The following RNF168 variants were observed in gnomAD, a reference collection of about 807,000 sequenced individuals.
RNF168 encodes the protein E3 ubiquitin-protein ligase RNF168.
RNF168 carries 34 observed loss-of-function variants against 34.9 expected under a neutral mutation model. The observed-to-expected ratio is 0.97, with a 90% CI of 0.74 to 1.30. The LOEUF (loss-of-function observed/expected upper bound fraction) is 1.30. Among genes scored for constraint, RNF168 ranks in the 50% most tolerant of loss-of-function variants. The pLI is 0.00. For synonymous variants in RNF168, 264 were observed against 254.7 expected (o/e 1.04, Z -0.35); for missense variants, 725 against 682.5 (o/e 1.06, Z -0.69).
chr3:196,500,616 C>G (rs1732856387), intron 1 of RNF168, among the ~76,000 whole-genome samples: 1 of 152,206 alleles, frequency 6.6e-6, no homozygotes, highest in African/African-American at 2.4e-5. Context: ...GGCGATGCCA[C>G]TGAACCATAC....
intron 4 of RNF168, among the ~76,000 whole-genome samples, chr3:196,481,798 C>T (rs1467128137): frequency 2.1e-5 from 3 of 143,266 alleles, no homozygotes; most frequent in African/African-American, 5.2e-5. Context: ...GGGTTACAGG[C>T]ATGTGCCACT....
intron 3 of RNF168, among the ~76,000 whole-genome samples, chr3:196,485,340 G>A (rs13084212): frequency 1.3e-5 from 2 of 151,726 alleles, no homozygotes; most frequent in Middle Eastern, 3.4e-3. Context: ...AAACCCCATC[G>A]GCACTAAAAA....
intron 4 of RNF168, among the ~76,000 whole-genome samples, chr3:196,477,027 C>T (rs1260277766): frequency 6.6e-6 from 1 of 152,188 alleles, no homozygotes; most frequent in Admixed American, 6.5e-5. Flanking sequence ...GGATTACAGG[C>T]GTGAGCCACT....
At chr3:196,477,508 T>A (rs73891249) in intron 4 of RNF168, among the ~76,000 whole-genome samples, 1 of 152,212 alleles carries the variant, frequency 6.6e-6, no homozygotes, top group African/African-American at 2.4e-5. Flanking sequence ...ATATTTACTC[T>A]GTTAACTTTG....
intron 1 of RNF168, among the ~76,000 whole-genome samples, chr3:196,492,996 T>A (rs930978977): frequency 6.6e-6 from 1 of 151,850 alleles, no homozygotes; most frequent in Non-Finnish European, 1.5e-5. Context: ...AAAACAAAAC[T>A]ATAAACGACT....
In RNF168 at chr3:196,487,293, G is replaced by A. The variant is rs545990743; in HGVS notation, c.558+106C>T. 17 of 988,838 alleles carry A rather than the reference G, an allele frequency of 1.7e-5. No individual in the cohort carries two copies. The East Asian group carries it at 3.8e-4, about 22-fold the overall frequency. The allele number at this position is 988,838 out of a possible 1,614,324, so 61.3% of individuals were successfully genotyped here. On this transcript the variant is annotated intron_variant, in intron 3 of 5. Coordinates refer to ENST00000318037, the MANE Select transcript of RNF168 (RefSeq NM_152617.4). ...GGGGTGGAAAAGACAATATTTGTGGGATGCAGAACCTGGAAATACAAGGAG... is the reference window on the plus strand; with the variant it reads ...GGGGTGGAAAAGACAATATTTGTGGAATGCAGAACCTGGAAATACAAGGAG...
chr3:196,470,762 T>A lies in RNF168; in HGVS notation c.*1057A>T, dbSNP rs916250594. 6.5e-6 allele frequency: 1 copy of A among 152,780 alleles called. No homozygotes were observed. The highest frequency in any genetic ancestry group is 2.4e-5 in the African/African-American group (1 of 41,464). 9.5% of individuals were successfully genotyped at this position (152,780 alleles called of 1,614,324 possible). ...ATGATCTGGACTGTCAGTCACCCCA[T>A]CCAGCCTCATCCCAGCTCTTAACTC... On this transcript the variant is annotated 3_prime_UTR_variant, in exon 6 of 6. Transcript: ENST00000318037.
chr3:196,480,053 C>T (rs1398943663), intron 4 of RNF168, among the ~76,000 whole-genome samples: 1 of 92,900 alleles, frequency 1.1e-5, no homozygotes, highest in African/African-American at 5.3e-5. Flanking sequence ...ACAAGCAAAC[C>T]TTTGTAAATA....
Position 196,472,759 on chromosome 3 carries a change from C to G in RNF168, c.776G>C (p.Ser259Thr). The change falls in exon 6 of 6, where the codon AGT becomes ACT. Residue 259 changes from serine (S) to threonine (T), a missense_variant. Coordinates refer to ENST00000318037, the MANE Select transcript of RNF168 (RefSeq NM_152617.4). ...TTGCCCTGTTGGGCTTTTCCTATCA[C>G]TACTGTCAATGTCCTGTAGAAAACA... ...KDSVSKDIDSSDRKSPTGQDT... is the reference protein window; with the variant it reads ...KDSVSKDIDSTDRKSPTGQDT... The G allele has an allele frequency of 6.2e-7, 1 of 1,606,698 alleles. No individual in the cohort carries two copies. Among genetic ancestry groups the G allele is most frequent in the South Asian group, 1.1e-5 (1 of 90,948 alleles).
chr3:196,482,415 A>C (rs1732317072), intron 4 of RNF168, among the ~76,000 whole-genome samples: 1 of 152,194 alleles, frequency 6.6e-6, no homozygotes, highest in Non-Finnish European at 1.5e-5. Context: ...ATATTCATGT[A>C]CAAGTATTTG....
intron 3 of RNF168, 81 bp downstream of exon 3, chr3:196,487,318 G>C: frequency 8.6e-7 from 1 of 1,167,828 alleles, no homozygotes; most frequent in Non-Finnish European, 1.3e-6. Flanking sequence ...AATACAAGGA[G>C]CTGACTCTTC....
intron 2 of RNF168, among the ~76,000 whole-genome samples, chr3:196,488,343 G>T (rs1030937268): frequency 6.6e-6 from 1 of 151,644 alleles, no homozygotes. Flanking sequence ...TTAGCCAGGC[G>T]TAGTGGCGGG....
chr3:196,497,171 A>G (rs964690563), intron 1 of RNF168, among the ~76,000 whole-genome samples: 1 of 152,124 alleles, frequency 6.6e-6, no homozygotes, highest in Admixed American at 6.5e-5. Context: ...GATTTACTCT[A>G]AAGTCACAGT....
At chr3:196,496,458 T>C (rs1016411843) in intron 1 of RNF168, among the ~76,000 whole-genome samples, 3 of 152,206 alleles carry the variant, frequency 2.0e-5, no homozygotes, top group African/African-American at 7.2e-5. Context: ...TCTGTCTCTG[T>C]GTCCAAATTT....
intron 1 of RNF168, among the ~76,000 whole-genome samples, chr3:196,497,971 C>T (rs1361487659): frequency 6.6e-6 from 1 of 152,122 alleles, no homozygotes; most frequent in Non-Finnish European, 1.5e-5. Flanking sequence ...TGAAAAAGAA[C>T]ACTATCATTA....
rs57647149 is a variant in RNF168, at chr3:196,471,196, C to CAAAAAAAAAAAAAAAA, written c.*607_*622dup. On this transcript the variant is annotated 3_prime_UTR_variant, in exon 6 of 6. Transcript: ENST00000318037. ...GCGTGACAGAGCAAGACTCTGTCTC[C>CAAAAAAAAAAAAAAAA]AAAAAAAAAAAAAAAAAAAAAAAAA... 7 of 40,640 alleles carry CAAAAAAAAAAAAAAAA rather than the reference C, an allele frequency of 1.7e-4. No homozygotes were observed. Among genetic ancestry groups the CAAAAAAAAAAAAAAAA allele is most frequent in the South Asian group, 9.8e-4 (1 of 1,018 alleles). The allele number at this position is 40,640 out of a possible 1,614,324, so 2.5% of individuals were successfully genotyped here. A position where few individuals can be genotyped will look rare whatever the true frequency, so the allele number is the denominator to read the frequency against.
intron 4 of RNF168, among the ~76,000 whole-genome samples, chr3:196,479,693 C>T (rs1394702745): frequency 6.6e-6 from 1 of 151,718 alleles, no homozygotes; most frequent in African/African-American, 2.4e-5. Flanking sequence ...CAGGTTCAAG[C>T]AATTCTCCTG....
chr3:196,488,815 A>G (rs567308251), intron 1 of RNF168, 132 bp from the exon 2 acceptor site: 87 of 455,426 alleles, frequency 1.9e-4, no homozygotes, highest in African/African-American at 1.3e-3. Flanking sequence ...TTGGAATTCC[A>G]TTTTTAACAT....
chr3:196,487,362 G>A (rs771160864), intron 3 of RNF168, 37 bp downstream of exon 3: 21 of 1,561,392 alleles, frequency 1.3e-5, no homozygotes, highest in Middle Eastern at 1.7e-4. Flanking sequence ...GCATACCAAG[G>A]GATGACCATA....
Sources: gnomAD v4.1 joint callset for allele counts (sites outside exome capture counted in the v4.1 genomes callset) on GRCh38, gnomAD v4.1.1 for gene constraint, MANE v1.5 for transcripts, NCBI Gene and HGNC (gene_info 2026-07-23, HGNC 2026-07-21) for gene names.